The following IQCM variants were observed in gnomAD, a reference collection of about 807,000 sequenced individuals.
The protein encoded by IQCM is IQ domain-containing protein M.
A neutral mutation model predicts 57.6 loss-of-function variants in IQCM; 45 were observed. The observed-to-expected ratio is 0.78, with a 90% CI of 0.62 to 1.00. The LOEUF (loss-of-function observed/expected upper bound fraction) is 1.00. IQCM is among the 50% of genes least tolerant of loss of function. IQCM has a pLI of 0.00. For missense variants in IQCM, 468 were observed against 511.6 expected, an observed-to-expected ratio of 0.91 and a Z score of 0.82; for synonymous variants, 148 against 158.9, an observed-to-expected ratio of 0.93 and a Z score of 0.51.
intron 9 of IQCM, among the ~76,000 whole-genome samples, chr4:149,564,773 G>T (rs1750453263): frequency 6.6e-6 from 1 of 151,662 alleles, no homozygotes; most frequent in Non-Finnish European, 1.5e-5. Flanking sequence ...CCTATCGTGG[G>T]ACCTCCTTAT....
At chr4:149,806,702 C>T (rs932445068) in intron 2 of IQCM, among the ~76,000 whole-genome samples, 13 of 151,770 alleles carry the variant, frequency 8.6e-5, no homozygotes, top group African/African-American at 3.1e-4. Flanking sequence ...AATAAAGGAT[C>T]AAAAATCTTA....
chr4:149,455,063 G>A (rs1270875485), intron 12 of IQCM, among the ~76,000 whole-genome samples: 7 of 152,060 alleles, frequency 4.6e-5, no homozygotes, highest in Admixed American at 4.6e-4. Flanking sequence ...TGGTGTGAAA[G>A]TGATAAACAT....
intron 7 of IQCM, among the ~76,000 whole-genome samples, chr4:149,646,353 C>T (rs1758635655): frequency 6.6e-6 from 1 of 151,746 alleles, no homozygotes. Context: ...TCTTTGAATG[C>T]ATCATGGATT....
chr4:149,729,538 G>T (rs1055124706), intron 5 of IQCM, among the ~76,000 whole-genome samples: 1 of 151,468 alleles, frequency 6.6e-6, no homozygotes, highest in Non-Finnish European at 1.5e-5. Context: ...GCAGTGGCAC[G>T]ATCTCAGCTC....
intron 2 of IQCM, among the ~76,000 whole-genome samples, chr4:149,788,164 T>C (rs1772243828): frequency 6.6e-6 from 1 of 152,010 alleles, no homozygotes; most frequent in Non-Finnish European, 1.5e-5. Flanking sequence ...TGAAACTCTG[T>C]CTCTACTAAA....
intron 12 of IQCM, among the ~76,000 whole-genome samples, chr4:149,537,241 T>C (rs1201222027): frequency 6.6e-6 from 1 of 151,820 alleles, no homozygotes; most frequent in Admixed American, 6.6e-5. Context: ...AATGTGATAA[T>C]ATTAAAATAG....
At position 149,449,450 on chromosome 4, in the gene IQCM, CCTA is replaced by C. The variant is rs563795545; in HGVS notation, c.1229-15896_1229-15894del. Among the ~76,000 whole-genome samples, 163 of 146,478 alleles carry C rather than the reference CCTA, an allele frequency of 1.1e-3. 1 individual carries two copies. Among genetic ancestry groups the C allele is most frequent in the African/African-American group, 2.6e-3 (104 of 40,144 alleles). ...AATTATCAATCTCCCCTACTGACAT[CCTA>C]CTAATATTTTATTATTCTCCACCAA... is the stretch of plus-strand genomic sequence containing the variant. On this transcript the variant is annotated intron_variant, in intron 12 of 13. Coordinates refer to ENST00000636793, the MANE Select transcript of IQCM (RefSeq NM_001363507.2).
chr4:149,718,073 T>C (rs1205246392), intron 5 of IQCM, among the ~76,000 whole-genome samples: 7 of 152,112 alleles, frequency 4.6e-5, no homozygotes, highest in African/African-American at 1.4e-4. Context: ...TTGGTGAGAG[T>C]AAAAGGCCCT....
intron 12 of IQCM, among the ~76,000 whole-genome samples, chr4:149,440,522 A>C (rs1371234262): frequency 6.6e-6 from 1 of 152,122 alleles, no homozygotes; most frequent in Non-Finnish European, 1.5e-5. Flanking sequence ...AACTGCAGTA[A>C]TTGGCAGTTG....
chr4:149,545,918 G>C (rs561400155), intron 12 of IQCM, among the ~76,000 whole-genome samples: 1 of 151,942 alleles, frequency 6.6e-6, no homozygotes, highest in Non-Finnish European at 1.5e-5. Flanking sequence ...TGCTGCACCC[G>C]TTAACTCGTC....
chr4:149,444,447 G>A (rs889791979), intron 12 of IQCM, among the ~76,000 whole-genome samples: 4 of 151,790 alleles, frequency 2.6e-5, no homozygotes, highest in Non-Finnish European at 4.4e-5. Flanking sequence ...ATATTTCCTG[G>A]AAATATAAGA....
At chr4:149,510,959 G>C (rs997678162) in intron 12 of IQCM, among the ~76,000 whole-genome samples, 73 of 152,164 alleles carry the variant, frequency 4.8e-4, no homozygotes, top group African/African-American at 1.7e-3. Context: ...GTCACTAAAG[G>C]CATACTTTTT....
intron 12 of IQCM, among the ~76,000 whole-genome samples, chr4:149,508,887 G>C (rs528388846): frequency 6.6e-6 from 1 of 152,240 alleles, no homozygotes; most frequent in Non-Finnish European, 1.5e-5. Flanking sequence ...ATTGAATCGT[G>C]GGGGCAGGTC....
chr4:149,387,301 C>T (rs551301344), intron 13 of IQCM, among the ~76,000 whole-genome samples: 50 of 152,072 alleles, frequency 3.3e-4, no homozygotes, highest in African/African-American at 1.2e-3. Flanking sequence ...TCCCAAAGGC[C>T]CCTACCTCTT....
At position 149,553,215 on chromosome 4, in the gene IQCM, G is replaced by C; in HGVS notation, c.1021C>G (p.Arg341Gly). The change falls in exon 11 of 14, where the codon CGA becomes GGA. Residue 341 changes from arginine (R) to glycine (G), a missense_variant. By Grantham distance (125) the Arg-to-Gly change is moderately radical (BLOSUM62 -2). Transcript: ENST00000636793. Reference sequence around the variant, plus strand: ...TGTCTTGTCCTCCAAAGACCACGTCGATATCTAACACGGTGGATTAGTCTG... The same window carrying C: ...TGTCTTGTCCTCCAAAGACCACGTCCATATCTAACACGGTGGATTAGTCTG... ...YGRLIHRVRY[R>G]RGLWRTRQIL... 1 of 1,231,848 alleles carries C rather than the reference G, an allele frequency of 8.1e-7. No homozygotes were observed. The highest frequency in any genetic ancestry group is 1.0e-6 in the Non-Finnish European group (1 of 987,778). The allele number at this position is 1,231,848 out of a possible 1,614,324, so 76.3% of individuals were successfully genotyped here.
At chr4:149,423,551 A>G (rs891362123) in intron 13 of IQCM, among the ~76,000 whole-genome samples, 2 of 151,986 alleles carry the variant, frequency 1.3e-5, no homozygotes, top group Non-Finnish European at 2.9e-5. Flanking sequence ...AGATGTTGAC[A>G]GCCTCCATGC....
intron 8 of IQCM, among the ~76,000 whole-genome samples, chr4:149,619,220 C>T (rs1279900885): frequency 6.6e-6 from 1 of 150,940 alleles, no homozygotes; most frequent in Non-Finnish European, 1.5e-5. Context: ...TTATCCTAAG[C>T]GAAATGACTC....
chr4:149,772,537 TA>T (rs1216875056), intron 2 of IQCM, among the ~76,000 whole-genome samples: 2 of 148,524 alleles, frequency 1.3e-5, no homozygotes, highest in African/African-American at 4.9e-5. Context: ...TGTCACTTTA[TA>T]AACAAAAAAA....
At chr4:149,647,550 A>G (rs568023955) in intron 7 of IQCM, among the ~76,000 whole-genome samples, 14 of 152,156 alleles carry the variant, frequency 9.2e-5, no homozygotes, top group African/African-American at 3.4e-4. Flanking sequence ...CTGTTGAGAA[A>G]TCAGTTATTT....
Sources: gnomAD v4.1 joint callset for allele counts (sites outside exome capture counted in the v4.1 genomes callset) on GRCh38, gnomAD v4.1.1 for gene constraint, MANE v1.5 for transcripts, NCBI Gene and HGNC (gene_info 2026-07-23, HGNC 2026-07-21) for gene names.